The following FNBP1 variants were observed in gnomAD, a reference collection of about 807,000 sequenced individuals.
FNBP1 encodes the protein formin-binding protein 1.
A neutral mutation model predicts 90.6 loss-of-function variants in FNBP1; 26 were observed. The observed-to-expected ratio is 0.29, with a 90% CI of 0.21 to 0.40. The LOEUF (loss-of-function observed/expected upper bound fraction) is 0.40, where lower values mean the gene tolerates loss of function less well. FNBP1 is among the 10% of genes least tolerant of loss of function. The pLI, the probability that FNBP1 is intolerant of heterozygous loss-of-function variation, is 1.00. For synonymous variants in FNBP1, 260 were observed against 265.2 expected (o/e 0.98, Z 0.19); for missense variants, 635 against 768.0 (o/e 0.83, Z 2.05).
At chr9:129,917,368 G>A (rs1052005866) in intron 10 of FNBP1, among the ~76,000 whole-genome samples, 1 of 151,810 alleles carries the variant, frequency 6.6e-6, no homozygotes. Flanking sequence ...TTTTGTTTTT[G>A]GAGACAGGGC....
At chr9:129,988,382 A>T (rs2052619976) in intron 2 of FNBP1, among the ~76,000 whole-genome samples, 1 of 152,178 alleles carries the variant, frequency 6.6e-6, no homozygotes, top group Non-Finnish European at 1.5e-5. Flanking sequence ...AAGGACCAGA[A>T]AGTAAATATT....
intron 2 of FNBP1, among the ~76,000 whole-genome samples, chr9:129,984,866 T>C (rs10760652): frequency 0.68 from 103,506 of 151,926 alleles, 35,639 homozygotes; most frequent in East Asian, 0.89. Context: ...GAAGTGCCTT[T>C]CACCCCCAGC....
intron 13 of FNBP1, among the ~76,000 whole-genome samples, chr9:129,901,295 C>T (rs1316686125): frequency 6.6e-6 from 1 of 151,762 alleles, no homozygotes; most frequent in African/African-American, 2.4e-5. Flanking sequence ...AATCCCAGCA[C>T]TTTGGGAGAG....
chr9:129,941,820 C>G (rs2044369483), intron 6 of FNBP1, among the ~76,000 whole-genome samples: 1 of 151,980 alleles, frequency 6.6e-6, no homozygotes, highest in Non-Finnish European at 1.5e-5. Context: ...CCTGTAATCC[C>G]AACACTTTGG....
intron 1 of FNBP1, among the ~76,000 whole-genome samples, chr9:129,998,389 C>T (rs909543643): frequency 2.6e-5 from 4 of 151,598 alleles, no homozygotes; most frequent in African/African-American, 9.7e-5. Context: ...TGGCGCACGC[C>T]TATAATCACA....
chr9:130,005,984 A>T (rs1463027037), intron 1 of FNBP1, among the ~76,000 whole-genome samples: 1 of 151,622 alleles, frequency 6.6e-6, no homozygotes. Context: ...CTCCTATAGC[A>T]GGAGCCTGTG....
chr9:129,998,550 G>T (rs2054360348), intron 1 of FNBP1, among the ~76,000 whole-genome samples: 1 of 150,882 alleles, frequency 6.6e-6, no homozygotes, highest in South Asian at 2.1e-4. Context: ...CTCCCTGTAT[G>T]ATTTCCCATA....
At chr9:129,950,052 C>T (rs1449776400) in intron 6 of FNBP1, among the ~76,000 whole-genome samples, 1 of 152,084 alleles carries the variant, frequency 6.6e-6, no homozygotes, top group African/African-American at 2.4e-5. Flanking sequence ...GGGGGAGAAA[C>T]ATTTATGTTA....
intron 6 of FNBP1, among the ~76,000 whole-genome samples, chr9:129,940,930 A>G (rs368141556): frequency 6.6e-6 from 1 of 151,988 alleles, no homozygotes; most frequent in East Asian, 1.9e-4. Flanking sequence ...GAGTTTTCAT[A>G]TATTTATGAA....
chr9:129,902,791 A>C, intron 13 of FNBP1, 78 bp downstream of exon 13: 16 of 1,418,788 alleles, frequency 1.1e-5, no homozygotes, highest in South Asian at 2.5e-5. Flanking sequence ...GAGGATCGTC[A>C]GGGCCCCACA....
At chr9:130,037,114 T>C (rs1269916652) in intron 1 of FNBP1, among the ~76,000 whole-genome samples, 1 of 151,042 alleles carries the variant, frequency 6.6e-6, no homozygotes, top group Non-Finnish European at 1.5e-5. Flanking sequence ...CCCAGCACTT[T>C]GGAAGGCAGA....
intron 4 of FNBP1, among the ~76,000 whole-genome samples, chr9:129,965,595 T>C (rs900227941): frequency 1.3e-5 from 2 of 151,982 alleles, no homozygotes; most frequent in African/African-American, 4.8e-5. Flanking sequence ...GCAATCCCAG[T>C]ACTTTGAGAG....
At chr9:129,901,916 A>G (rs1177332976) in intron 13 of FNBP1, among the ~76,000 whole-genome samples, 2 of 152,198 alleles carry the variant, frequency 1.3e-5, no homozygotes, top group East Asian at 3.9e-4. Flanking sequence ...CATCTCAAAA[A>G]AAAGAATGAA....
intron 1 of FNBP1, among the ~76,000 whole-genome samples, chr9:130,019,470 T>A (rs933780526): frequency 1.3e-5 from 2 of 152,070 alleles, no homozygotes; most frequent in African/African-American, 4.8e-5. Flanking sequence ...AACTTTGGAG[T>A]GATTTAAGAA....
chr9:129,987,511 A>C (rs2052468835), intron 2 of FNBP1, among the ~76,000 whole-genome samples: 1 of 152,022 alleles, frequency 6.6e-6, no homozygotes, highest in Non-Finnish European at 1.5e-5. Context: ...ACATCCTGTA[A>C]GTTTTTCATA....
At chr9:130,037,734 TA>T (rs1222204446) in intron 1 of FNBP1, among the ~76,000 whole-genome samples, 1 of 152,160 alleles carries the variant, frequency 6.6e-6, no homozygotes, top group Non-Finnish European at 1.5e-5. Context: ...GAAACTGCTC[TA>T]AAAAATAGTC....
intron 10 of FNBP1, among the ~76,000 whole-genome samples, chr9:129,917,428 G>C (rs2040426979): frequency 6.6e-6 from 1 of 151,942 alleles, no homozygotes; most frequent in African/African-American, 2.4e-5. Context: ...AACCTCTAGA[G>C]CTCAAATGAT....
At chr9:129,930,439 G>C (rs2042568099) in intron 6 of FNBP1, among the ~76,000 whole-genome samples, 1 of 152,134 alleles carries the variant, frequency 6.6e-6, no homozygotes, top group Non-Finnish European at 1.5e-5. Context: ...ACTGACCTAA[G>C]GAGACTTTTC....
chr9:129,985,224 C>T (rs571448265), intron 2 of FNBP1, among the ~76,000 whole-genome samples: 2 of 152,282 alleles, frequency 1.3e-5, no homozygotes, highest in Non-Finnish European at 2.9e-5. Flanking sequence ...GCAAGGAACA[C>T]TCACCTACAC....
Sources: allele counts gnomAD v4.1 joint callset (sites outside exome capture counted in the v4.1 genomes callset), GRCh38; gene constraint gnomAD v4.1.1; transcripts MANE v1.5; gene names NCBI Gene and HGNC (gene_info 2026-07-23, HGNC 2026-07-21).